Variants in ENTREP2 observed in about 807,000 individuals in gnomAD.
The protein encoded by ENTREP2 is protein ENTREP2.
the ENTREP2 span, among the ~76,000 whole-genome samples, chr15:29,634,848 A>G: frequency 6.6e-6 from 1 of 152,266 alleles, no homozygotes; most frequent in African/African-American, 2.4e-5. Flanking sequence ...GACACAAATG[A>G]AGAGATGCAC....
chr15:29,277,321 C>T, the ENTREP2 span, among the ~76,000 whole-genome samples: 4 of 150,248 alleles, frequency 2.7e-5, no homozygotes, highest in East Asian at 7.8e-4. Context: ...TAGCCTGGGC[C>T]ACAGAGCAAG....
At chr15:29,195,513 T>G in the ENTREP2 span, among the ~76,000 whole-genome samples, 1 of 152,082 alleles carries the variant, frequency 6.6e-6, no homozygotes, top group Non-Finnish European at 1.5e-5. Context: ...TGCCACATCT[T>G]TTTATATTTA....
At chr15:29,217,777 T>G in the ENTREP2 span, among the ~76,000 whole-genome samples, 1 of 152,214 alleles carries the variant, frequency 6.6e-6, no homozygotes, top group African/African-American at 2.4e-5. Flanking sequence ...CTTCTTGGTT[T>G]GGATCCATTG....
At chr15:29,611,848 C>T in the ENTREP2 span, among the ~76,000 whole-genome samples, 4 of 152,174 alleles carry the variant, frequency 2.6e-5, no homozygotes, top group African/African-American at 9.7e-5. Context: ...AACTAACAGG[C>T]ATTTTCTTAG....
At chr15:29,587,138 C>CGTGTGTGTGTGTGTGTGT in the ENTREP2 span, among the ~76,000 whole-genome samples, 15 of 123,972 alleles carry the variant, frequency 1.2e-4, no homozygotes, top group Non-Finnish European at 2.3e-4. Context: ...TGTAGCTAAC[C>CGTGTGTGTGTGTGTGTGT]GTGTGTGTGT....
At chr15:29,241,379 T>C in the ENTREP2 span, among the ~76,000 whole-genome samples, 1 of 152,190 alleles carries the variant, frequency 6.6e-6, no homozygotes, top group African/African-American at 2.4e-5. Context: ...AAAATAAAAC[T>C]ATACAGTTGG....
chr15:29,482,764 C>T, the ENTREP2 span, among the ~76,000 whole-genome samples: 2 of 152,132 alleles, frequency 1.3e-5, no homozygotes, highest in African/African-American at 4.8e-5. Flanking sequence ...CCACTGCTTC[C>T]AAGTTTTGGC....
At chr15:29,572,030 C>G in the ENTREP2 span, among the ~76,000 whole-genome samples, 1 of 152,176 alleles carries the variant, frequency 6.6e-6, no homozygotes, top group Non-Finnish European at 1.5e-5. Flanking sequence ...CAAAATATCT[C>G]GGTTGCTGGT....
the ENTREP2 span, among the ~76,000 whole-genome samples, chr15:29,505,218 G>A: frequency 2.0e-5 from 3 of 152,218 alleles, no homozygotes; most frequent in African/African-American, 7.2e-5. This position sits in a 1 kb window ranked among gnomAD's most constrained non-coding sequence, Gnocchi z 4.3. Flanking sequence ...CCTCGTCTGT[G>A]GGCAAGGCAT....
chr15:29,304,179 G>A, the ENTREP2 span, among the ~76,000 whole-genome samples: 4 of 151,986 alleles, frequency 2.6e-5, no homozygotes, highest in African/African-American at 4.8e-5. Context: ...CACCGCACCC[G>A]GCTGTATGGC....
the ENTREP2 span, among the ~76,000 whole-genome samples, chr15:29,282,505 G>C: frequency 1.3e-5 from 2 of 152,286 alleles, no homozygotes; most frequent in African/African-American, 4.8e-5. Context: ...TCCATTGTGA[G>C]TATCCATCAA....
At chr15:29,269,935 G>A in the ENTREP2 span, 4 of 479,362 alleles carry the variant, frequency 8.3e-6, no homozygotes, top group South Asian at 3.9e-5. Flanking sequence ...CTGCAGGTCC[G>A]GGCGATGATT....
chr15:29,606,173 A>G, the ENTREP2 span, among the ~76,000 whole-genome samples: 48 of 150,134 alleles, frequency 3.2e-4, no homozygotes, highest in Admixed American at 1.7e-3. Flanking sequence ...TTTCTTTACA[A>G]CTTATCGTTG....
the ENTREP2 span, among the ~76,000 whole-genome samples, chr15:29,385,679 T>C: frequency 6.6e-6 from 1 of 152,004 alleles, no homozygotes; most frequent in Non-Finnish European, 1.5e-5. Context: ...GTGACTCTTC[T>C]ATGGGAGGGG....
At chr15:29,388,298 A>C in the ENTREP2 span, among the ~76,000 whole-genome samples, 1 of 152,230 alleles carries the variant, frequency 6.6e-6, no homozygotes, top group African/African-American at 2.4e-5. Flanking sequence ...CCCTATCAAC[A>C]AGTGGGTGAA....
chr15:29,661,296 G>A, the ENTREP2 span, among the ~76,000 whole-genome samples: 4 of 152,144 alleles, frequency 2.6e-5, no homozygotes, highest in Admixed American at 2.6e-4. Context: ...TGCCTCCTGG[G>A]TTCAAGTGAT....
the ENTREP2 span, among the ~76,000 whole-genome samples, chr15:29,174,206 C>A: frequency 6.6e-6 from 1 of 152,216 alleles, no homozygotes; most frequent in Non-Finnish European, 1.5e-5. Context: ...GGGAGACCCC[C>A]TGGGTCACTG....
At chr15:29,476,853 G>A in the ENTREP2 span, among the ~76,000 whole-genome samples, 1 of 152,154 alleles carries the variant, frequency 6.6e-6, no homozygotes, top group Admixed American at 6.5e-5. Flanking sequence ...CTGGAAAACC[G>A]ATTGCCAGCC....
the ENTREP2 span, among the ~76,000 whole-genome samples, chr15:29,483,898 G>A: frequency 6.6e-6 from 1 of 152,088 alleles, no homozygotes; most frequent in African/African-American, 2.4e-5. Flanking sequence ...CTGCCTATCT[G>A]GCTATAGTCT....
Sources: gnomAD v4.1 joint callset for allele counts (sites outside exome capture counted in the v4.1 genomes callset) on GRCh38, gnomAD v4.1.1 for gene constraint, Gnocchi (gnomAD v3.1) non-coding constraint, MANE v1.5 for transcripts, NCBI Gene and HGNC (gene_info 2026-07-23, HGNC 2026-07-21) for gene names.